Variants in SH3D19 observed in about 807,000 individuals in gnomAD.
SH3D19 encodes SH3 domain-containing protein 19.
SH3D19 carries 58 observed loss-of-function variants against 112.1 expected under a neutral mutation model. The observed-to-expected ratio is 0.52, with a 90% CI of 0.42 to 0.64. SH3D19 has a LOEUF of 0.64. Ranked by LOEUF, SH3D19 falls within the 30% of genes least tolerant of loss-of-function variation. SH3D19 has a pLI of 0.00. For missense variants in SH3D19, 1,090 were observed against 1,263.4 expected (o/e 0.86, Z 2.08); for synonymous variants, 391 against 448.5 (o/e 0.87, Z 1.62).
chr4:151,128,112 T>C (rs1201346746), intron 18 of SH3D19, 58 bp downstream of exon 18: 10 of 1,418,936 alleles, frequency 7.0e-6, no homozygotes, highest in African/African-American at 1.4e-5. Context: ...ATGTATATAG[T>C]TTTGAAGGTT....
rs541453488 is a variant in SH3D19, at chr4:151,263,628, C to T, written c.113-37542G>A. 3.3e-5 allele frequency among the ~76,000 whole-genome samples: 5 copies of T among 152,312 alleles called. No homozygotes were observed. The East Asian group carries it at 9.6e-4, about 29-fold the overall frequency. On this transcript the variant is annotated intron_variant, in intron 1 of 19. Transcript: ENST00000604030. ...CTGCTGTGTCAGCCACAGCTGCAGT[C>T]ATCAAGGCTCAACTAGGAAAGGATC...
intron 1 of SH3D19, among the ~76,000 whole-genome samples, chr4:151,273,116 C>T (rs909355628): frequency 5.3e-5 from 8 of 152,110 alleles, no homozygotes; most frequent in African/African-American, 1.9e-4. Context: ...AAATAAAGTA[C>T]TGGTGCCTTA....
intron 2 of SH3D19, among the ~76,000 whole-genome samples, chr4:151,195,371 CAAAAAAAAAAAAAAAA>C (rs58618820): frequency 4.5e-5 from 3 of 66,772 alleles, no homozygotes; most frequent in African/African-American, 7.3e-5. Context: ...GACTCTGTCT[CAAAAAAAAAAAAAAAA>C]AAAAAAAAAA....
At chr4:151,163,060 T>G (rs1460891660) in intron 8 of SH3D19, among the ~76,000 whole-genome samples, 1 of 152,200 alleles carries the variant, frequency 6.6e-6, no homozygotes, top group Non-Finnish European at 1.5e-5. Flanking sequence ...ATAAAAACCC[T>G]GGGCACTGAA....
At chr4:151,205,029 C>T (rs142079047) in intron 2 of SH3D19, among the ~76,000 whole-genome samples, 2,787 of 152,138 alleles carry the variant, frequency 0.018, 82 homozygotes, top group African/African-American at 0.063. Context: ...CCATGTTGGC[C>T]GGGCTGGTCT....
chr4:151,234,316 A>C (rs979773853), intron 1 of SH3D19, among the ~76,000 whole-genome samples: 1 of 152,178 alleles, frequency 6.6e-6, no homozygotes, highest in Non-Finnish European at 1.5e-5. Context: ...TCAGGCTTTT[A>C]ATGATTTGGG....
At position 151,258,627 on chromosome 4, in the gene SH3D19, C is replaced by T. The variant is rs573902916; in HGVS notation, c.113-32541G>A. On this transcript the variant is annotated intron_variant, in intron 1 of 19. Transcript: ENST00000604030. ...ACCCACCCTCAGGCTGAATCCCAGA[C>T]ACCCTGCTCTCCCAGGACAGCAGGG... Among the ~76,000 whole-genome samples the T allele has an allele frequency of 3.9e-5, 6 of 152,320 alleles. No individual in the cohort carries two copies. In the East Asian group the frequency reaches 9.7e-4, roughly 25 times the overall value.
intron 1 of SH3D19, among the ~76,000 whole-genome samples, chr4:151,251,186 TTTC>T (rs1404645140): frequency 7.2e-6 from 1 of 139,296 alleles, no homozygotes; most frequent in Non-Finnish European, 1.6e-5. Flanking sequence ...GTTCTTTCTT[TTTC>T]TTTTTTTCCT....
intron 3 of SH3D19, chr4:151,181,670 G>T (rs1760963996): frequency 6.6e-6 from 1 of 152,026 alleles, no homozygotes; most frequent in South Asian, 2.1e-4. Context: ...AAGACTTCAT[G>T]TTATCATCAC....
At chr4:151,323,712 T>A (rs950546706) in intron 1 of SH3D19, among the ~76,000 whole-genome samples, 1 of 152,250 alleles carries the variant, frequency 6.6e-6, no homozygotes, top group African/African-American at 2.4e-5. Flanking sequence ...AAAGCCTTTG[T>A]CAACCTTGAG....
chr4:151,315,957 T>C (rs1729941294), intron 1 of SH3D19, among the ~76,000 whole-genome samples: 1 of 152,170 alleles, frequency 6.6e-6, no homozygotes. Flanking sequence ...AAGGCTTAAC[T>C]TTTTAAAAAA....
intron 16 of SH3D19, among the ~76,000 whole-genome samples, chr4:151,132,593 T>TATAC (rs1750962057): frequency 6.6e-6 from 1 of 152,260 alleles, no homozygotes; most frequent in African/African-American, 2.4e-5. Context: ...TTATAGTCTA[T>TATAC]ATACATTAGT....
At chr4:151,291,493 T>C in intron 1 of SH3D19, 2 of 1,368,056 alleles carry the variant, frequency 1.5e-6, no homozygotes, top group South Asian at 2.7e-5. Context: ...TGACTTTATT[T>C]ACAATTTGAA....
intron 1 of SH3D19, among the ~76,000 whole-genome samples, chr4:151,244,270 T>G (rs1011188804): frequency 4.6e-5 from 7 of 152,150 alleles, no homozygotes; most frequent in African/African-American, 9.7e-5. Flanking sequence ...TTTTTGGTTT[T>G]GTTTTGTTTT....
intron 3 of SH3D19, among the ~76,000 whole-genome samples, chr4:151,182,197 C>T (rs913309522): frequency 6.6e-6 from 1 of 152,064 alleles, no homozygotes; most frequent in Non-Finnish European, 1.5e-5. Context: ...CTATGCTGCC[C>T]AGACTGGTCT....
At chr4:151,285,600 C>T (rs778647940) in intron 1 of SH3D19, among the ~76,000 whole-genome samples, 13 of 152,116 alleles carry the variant, frequency 8.5e-5, no homozygotes, top group East Asian at 1.9e-4. Flanking sequence ...TAAATGCCTA[C>T]GTTAAACAAT....
At chr4:151,142,916 G>A (rs1364144972) in intron 12 of SH3D19, among the ~76,000 whole-genome samples, 1 of 152,138 alleles carries the variant, frequency 6.6e-6, no homozygotes, top group African/African-American at 2.4e-5. Flanking sequence ...TGGTATTTAA[G>A]GTGGAAAGAA....
In SH3D19 at chr4:151,149,490, AT is replaced by A; in HGVS notation, c.1817+9del. 6.2e-7 allele frequency: 1 copy of A among 1,608,578 alleles called. No individual in the cohort carries two copies. ...TTAATTTTTCTCTAACTTTTCCCAC[AT>A]TTACTTACCTCGGTGGCAACCTTGG... On this transcript the variant is annotated intron_variant, in intron 10 of 19. Coordinates refer to ENST00000604030, the MANE Select transcript of SH3D19 (RefSeq NM_001378122.1).
At chr4:151,266,923 A>C (rs1331593003) in intron 1 of SH3D19, among the ~76,000 whole-genome samples, 2 of 152,208 alleles carry the variant, frequency 1.3e-5, no homozygotes, top group Non-Finnish European at 2.9e-5. Flanking sequence ...ATGAAATAAA[A>C]ACACACAAAA....
Sources: allele counts gnomAD v4.1 joint callset (sites outside exome capture counted in the v4.1 genomes callset), GRCh38; gene constraint gnomAD v4.1.1; transcripts MANE v1.5; gene names NCBI Gene and HGNC (gene_info 2026-07-23, HGNC 2026-07-21).